AUH: variants seen among roughly 807,000 people sequenced by gnomAD.
AUH encodes the protein methylglutaconyl-CoA hydratase, mitochondrial.
In AUH, 29 loss-of-function variants were observed where a neutral mutation model predicts 42.3. That is an observed-to-expected ratio of 0.69 (90% CI 0.51 to 0.93). The LOEUF is 0.93. Ranked by LOEUF, AUH falls within the 40% of genes least tolerant of loss-of-function variation. The pLI is 0.00. For missense variants in AUH, 452 were observed against 438.1 expected (o/e 1.03, Z -0.28); for synonymous variants, 174 against 166.4 (o/e 1.05, Z -0.35).
intron 7 of AUH, chr9:91,218,556 CAG>C: frequency 1.1e-6 from 1 of 939,976 alleles, no homozygotes; most frequent in Non-Finnish European, 1.3e-6. Context: ...AACAAGCTGC[CAG>C]GAGATGCCCA....
chr9:91,226,305 T>C (rs1315911230), intron 6 of AUH, among the ~76,000 whole-genome samples: 2 of 149,222 alleles, frequency 1.3e-5, no homozygotes, highest in East Asian at 2.0e-4. Flanking sequence ...CGGCCAGTGA[T>C]GGTGAGCATT....
At chr9:91,226,947 TACTGTAGCC>T (rs1176333214) in intron 6 of AUH, among the ~76,000 whole-genome samples, 1 of 147,278 alleles carries the variant, frequency 6.8e-6, no homozygotes, top group Non-Finnish European at 1.5e-5. Context: ...CTGTTTTGGT[TACTGTAGCC>T]TTGTAGTATA....
intron 4 of AUH, among the ~76,000 whole-genome samples, chr9:91,310,410 C>A (rs985957640): frequency 3.3e-5 from 5 of 152,164 alleles, no homozygotes; most frequent in Non-Finnish European, 7.4e-5. Context: ...AGCCAATTTG[C>A]CCTCTCAATC....
chr9:91,221,015 A>C, intron 6 of AUH, 23 bp from the exon 7 acceptor site: 1 of 1,613,202 alleles, frequency 6.2e-7, no homozygotes, highest in Non-Finnish European at 8.5e-7. Context: ...AGAGAGAGAA[A>C]AGGCAATGAT....
chr9:91,278,433 G>A (rs1825715662), intron 6 of AUH, among the ~76,000 whole-genome samples: 1 of 152,138 alleles, frequency 6.6e-6, no homozygotes, highest in Non-Finnish European at 1.5e-5. Flanking sequence ...TGAGTGACAA[G>A]TAACTATAAA....
intron 6 of AUH, among the ~76,000 whole-genome samples, chr9:91,285,351 C>A (rs938142767): frequency 1.3e-4 from 19 of 151,894 alleles, no homozygotes; most frequent in African/African-American, 4.4e-4. Context: ...AGGAGACACA[C>A]CTAATGTAAA....
intron 4 of AUH, among the ~76,000 whole-genome samples, chr9:91,301,276 A>G (rs1253924526): frequency 6.6e-6 from 1 of 152,204 alleles, no homozygotes; most frequent in Admixed American, 6.5e-5. Flanking sequence ...TATGAAATAC[A>G]TATTTGGTCT....
chr9:91,297,296 C>CAA (rs1184823101), intron 5 of AUH, among the ~76,000 whole-genome samples: 1 of 152,178 alleles, frequency 6.6e-6, no homozygotes, highest in Non-Finnish European at 1.5e-5. Flanking sequence ...ATGTCAAGTG[C>CAA]TAGAATAACA....
chr9:91,225,786 AGT>A (rs1379453330), intron 6 of AUH, among the ~76,000 whole-genome samples: 2 of 149,536 alleles, frequency 1.3e-5, no homozygotes, highest in African/African-American at 4.9e-5. Flanking sequence ...CCCACCTATG[AGT>A]GAGAATATGC....
chr9:91,268,432 CATT>C (rs1413752741), intron 6 of AUH, among the ~76,000 whole-genome samples: 3 of 147,386 alleles, frequency 2.0e-5, no homozygotes, highest in Non-Finnish European at 3.0e-5. Context: ...ACTTCCTAGA[CATT>C]TTTTTTTTTT....
chr9:91,254,291 G>GA (rs1410996081), intron 6 of AUH, among the ~76,000 whole-genome samples: 1 of 152,148 alleles, frequency 6.6e-6, no homozygotes. Flanking sequence ...GGAAGCTGCG[G>GA]AAAGTCTTCC....
At chr9:91,298,900 A>G (rs571085468) in intron 4 of AUH, among the ~76,000 whole-genome samples, 89 of 152,306 alleles carry the variant, frequency 5.8e-4, no homozygotes, top group African/African-American at 2.0e-3. Context: ...GCCAATGTTA[A>G]TATATAACAG....
intron 6 of AUH, among the ~76,000 whole-genome samples, chr9:91,270,900 T>C (rs779523423): frequency 6.6e-6 from 1 of 152,160 alleles, no homozygotes; most frequent in Non-Finnish European, 1.5e-5. Flanking sequence ...AGGTTGCTAC[T>C]GCCCAATTAA....
intron 7 of AUH, among the ~76,000 whole-genome samples, chr9:91,217,777 T>C (rs1460846298): frequency 1.3e-5 from 2 of 152,188 alleles, no homozygotes. Context: ...ACTGGCTATA[T>C]TTCCTCCATT....
chr9:91,307,763 GA>G (rs746876253), intron 4 of AUH, among the ~76,000 whole-genome samples: 1 of 152,066 alleles, frequency 6.6e-6, no homozygotes, highest in East Asian at 1.9e-4. Flanking sequence ...GTATGTACAG[GA>G]AAAAACAGTA....
At chr9:91,215,555 C>T (rs1039681386) in intron 9 of AUH, among the ~76,000 whole-genome samples, 2 of 151,948 alleles carry the variant, frequency 1.3e-5, no homozygotes, top group African/African-American at 4.8e-5. Flanking sequence ...TTTCAATTTA[C>T]ACTTGGTTGA....
At position 91,325,604 on chromosome 9, in the gene AUH, T is replaced by C. The variant is rs543394120; in HGVS notation, c.419-200A>G. 5.4e-4 allele frequency among the ~76,000 whole-genome samples: 83 copies of C among 152,322 alleles called. 1 individual carries two copies. The South Asian group carries it at 0.016, about 30-fold the overall frequency. On this transcript the variant is annotated intron_variant, in intron 3 of 9. Coordinates refer to ENST00000375731, the MANE Select transcript of AUH (RefSeq NM_001698.3). Reference sequence around the variant, plus strand: ...TATTTGTCTATTCATACGTCTACCATGTGCTTAAAGCGGTGCTTCTCCAGC... The same window carrying C: ...TATTTGTCTATTCATACGTCTACCACGTGCTTAAAGCGGTGCTTCTCCAGC...
intron 6 of AUH, among the ~76,000 whole-genome samples, chr9:91,228,615 T>C (rs1403488694): frequency 6.9e-6 from 1 of 145,392 alleles, no homozygotes; most frequent in Non-Finnish European, 1.5e-5. Context: ...GTGTTTGCTC[T>C]TGCTTTTCTA....
rs1243081832 is a variant in AUH, at chr9:91,269,130, G to A, written c.655+26891C>T. Among the ~76,000 whole-genome samples the A allele has an allele frequency of 2.0e-5, 3 of 152,216 alleles. No individual in the cohort carries two copies. The East Asian group carries it at 5.8e-4, about 30-fold the overall frequency. ...TGAGGAGCTCGGACTACAGGCGTGC[G>A]CCACCATGCCCAGCTAATTTTTGTA... On this transcript the variant is annotated intron_variant, in intron 6 of 9. Transcript: ENST00000375731.
Sources: gnomAD v4.1 joint callset for allele counts (sites outside exome capture counted in the v4.1 genomes callset) on GRCh38, gnomAD v4.1.1 for gene constraint, MANE v1.5 for transcripts, NCBI Gene and HGNC (gene_info 2026-07-23, HGNC 2026-07-21) for gene names.